CLTB: variants seen among roughly 807,000 people sequenced by gnomAD.
CLTB encodes clathrin light chain B, also known as clathrin, light chain (Lcb).
CLTB carries 10 observed loss-of-function variants against 30.5 expected under a neutral mutation model. The ratio of observed to expected loss-of-function variants is 0.33; its 90% confidence interval spans 0.20 to 0.56. The LOEUF is 0.56. CLTB is among the 20% of genes least tolerant of loss of function. CLTB has a pLI of 0.91. For synonymous variants in CLTB, 102 were observed against 120.3 expected, an observed-to-expected ratio of 0.85 and a Z score of 1.00; for missense variants, 261 against 308.3, an observed-to-expected ratio of 0.85 and a Z score of 1.15.
At chr5:176,402,239 A>G (rs1756859512) in intron 2 of CLTB, among the ~76,000 whole-genome samples, 2 of 152,204 alleles carry the variant, frequency 1.3e-5, no homozygotes, top group South Asian at 4.1e-4. Context: ...TGGAGGTTGC[A>G]GTGAGCCGAG....
chr5:176,409,978 G>A (rs962230008), intron 2 of CLTB, among the ~76,000 whole-genome samples: 4 of 152,140 alleles, frequency 2.6e-5, no homozygotes, highest in Admixed American at 2.6e-4. Flanking sequence ...ATCTCATGCT[G>A]CTGTGGGCCA....
rs545790119 is a variant in CLTB, at chr5:176,412,033, A to G, written c.188-1730T>C. On this transcript the variant is annotated intron_variant, in intron 1 of 5. Coordinates refer to ENST00000310418, the MANE Select transcript of CLTB (RefSeq NM_007097.5). ...CTACTAAAAATACAAAAAATTAGCCAGGCGTGGTGGCAGGCGCCTGTAGTC... is the reference window on the plus strand; with the variant it reads ...CTACTAAAAATACAAAAAATTAGCCGGGCGTGGTGGCAGGCGCCTGTAGTC... Among the ~76,000 whole-genome samples the G allele has an allele frequency of 6.5e-3, 986 of 151,906 alleles. 9 individuals carry two copies. Among genetic ancestry groups the G allele is most frequent in the African/African-American group, 0.022 (905 of 41,404 alleles).
intron 2 of CLTB, chr5:176,406,509 A>G (rs1581439863): frequency 1.6e-6 from 2 of 1,234,438 alleles, no homozygotes; most frequent in East Asian, 1.2e-4. Context: ...TGATTCCTCT[A>G]AGAAGCTAAA....
chr5:176,395,643 A>G (rs370573372), intron 5 of CLTB, among the ~76,000 whole-genome samples: 20 of 152,204 alleles, frequency 1.3e-4, no homozygotes, highest in South Asian at 1.2e-3. Context: ...CTGTTTGCCA[A>G]CCCTGGTCTT....
At chr5:176,403,341 C>T (rs1300255572) in intron 2 of CLTB, among the ~76,000 whole-genome samples, 8 of 149,392 alleles carry the variant, frequency 5.4e-5, no homozygotes, top group African/African-American at 1.5e-4. Flanking sequence ...TGAGCTACTG[C>T]GCCTGGCCAA....
chr5:176,409,759 T>A (rs1757331936), intron 2 of CLTB, among the ~76,000 whole-genome samples: 1 of 152,218 alleles, frequency 6.6e-6, no homozygotes, highest in African/African-American at 2.4e-5. Context: ...ATCTATCTAT[T>A]CAGTTCCCTG....
At position 176,416,197 on chromosome 5, in the gene CLTB, T is replaced by G; in HGVS notation, c.167A>C (p.Gln56Pro). Residue 56 changes from glutamine (Q) to proline (P), a missense_variant, in exon 1 of 6, where the codon CAG (glutamine) becomes CCG (proline). Gln to Pro is a moderately conservative substitution (Grantham distance 76). This residue lies in a region of CLTB where 113 missense variants were observed against 102.5 expected (regional missense o/e 1.10). Coordinates refer to ENST00000310418, the MANE Select transcript of CLTB (RefSeq NM_007097.5). ...CTCACCCCCACTCGTGGGGCCCGGCTGCGCGGGGGCCGCATGGCTGCCGGC... is the reference window on the plus strand; with the variant it reads ...CTCACCCCCACTCGTGGGGCCCGGCGGCGCGGGGGCCGCATGGCTGCCGGC... The part of the protein sequence containing the change: ...APAGSHAAPA[Q>P]PGPTSGAGSE... 6.3e-7 allele frequency: 1 copy of G among 1,587,444 alleles called. No individual in the cohort carries two copies. Among genetic ancestry groups the G allele is most frequent in the Non-Finnish European group, 8.5e-7 (1 of 1,170,576 alleles).
chr5:176,410,396 G>T, intron 1 of CLTB, 93 bp from the exon 2 acceptor site: 1 of 915,254 alleles, frequency 1.1e-6, no homozygotes, highest in Non-Finnish European at 1.7e-6. Flanking sequence ...CAAACTCTGT[G>T]TATACCCATG....
At chr5:176,406,741 GCT>G (rs1233196102) in intron 2 of CLTB, 1 of 1,270,700 alleles carries the variant, frequency 7.9e-7, no homozygotes, top group African/African-American at 1.5e-5. Context: ...AAGCACAAAA[GCT>G]CTGTCTGGGA....
At chr5:176,401,764 C>CTT (rs2113649470) in intron 2 of CLTB, 1 of 456,250 alleles carries the variant, frequency 2.2e-6, no homozygotes, top group East Asian at 6.9e-5. Flanking sequence ...AACAGCGACA[C>CTT]TGAACAATTT....
At chr5:176,416,032 G>A (rs1406701382) in intron 1 of CLTB, 145 bp downstream of exon 1, 2 of 724,076 alleles carry the variant, frequency 2.8e-6, no homozygotes, top group Non-Finnish European at 2.1e-6. Flanking sequence ...CCTACATGGA[G>A]ATCTCCAAGA....
At chr5:176,407,126 G>C (rs1444705185) in intron 2 of CLTB, among the ~76,000 whole-genome samples, 1 of 152,172 alleles carries the variant, frequency 6.6e-6, no homozygotes, top group African/African-American at 2.4e-5. Context: ...GGGCTCCTCA[G>C]ATTCACCCAC....
intron 2 of CLTB, among the ~76,000 whole-genome samples, chr5:176,403,760 T>C (rs1257762366): frequency 6.6e-6 from 1 of 151,478 alleles, no homozygotes. Flanking sequence ...CCTGTTTTTG[T>C]GTGTGTGTGT....
chr5:176,404,307 G>A (rs1347434493), intron 2 of CLTB, among the ~76,000 whole-genome samples: 1 of 152,198 alleles, frequency 6.6e-6, no homozygotes, highest in African/African-American at 2.4e-5. Flanking sequence ...GCCTTCCTCT[G>A]GGACGCACCC....
At chr5:176,409,641 T>C (rs1757325400) in intron 2 of CLTB, among the ~76,000 whole-genome samples, 1 of 152,082 alleles carries the variant, frequency 6.6e-6, no homozygotes, top group South Asian at 2.1e-4. Context: ...TCTTGAACTC[T>C]GACCTCACGT....
At chr5:176,404,044 C>T (rs761208143) in intron 2 of CLTB, among the ~76,000 whole-genome samples, 6 of 152,222 alleles carry the variant, frequency 3.9e-5, no homozygotes, top group Non-Finnish European at 5.9e-5. Flanking sequence ...CATGAGCCAC[C>T]ACACCCAGCC....
intron 1 of CLTB, among the ~76,000 whole-genome samples, chr5:176,412,174 CAAAAAAAAA>C (rs546824950): frequency 1.2e-5 from 1 of 82,396 alleles, no homozygotes; most frequent in African/African-American, 4.7e-5. Flanking sequence ...AGACTCATCT[CAAAAAAAAA>C]AAAAAAAAAA....
chr5:176,412,641 G>A (rs1757504694), intron 1 of CLTB, among the ~76,000 whole-genome samples: 1 of 152,158 alleles, frequency 6.6e-6, no homozygotes. Flanking sequence ...GGGGACTCAA[G>A]GGAAGGGTAC....
chr5:176,416,065 G>T, intron 1 of CLTB, 112 bp downstream of exon 1: 1 of 993,260 alleles, frequency 1.0e-6, no homozygotes, highest in Non-Finnish European at 1.4e-6. Flanking sequence ...ACGTCTCCCA[G>T]CTCCTGCCCC....
Sources: allele counts gnomAD v4.1 joint callset (sites outside exome capture counted in the v4.1 genomes callset), GRCh38; gene constraint gnomAD v4.1.1; regional missense constraint gnomAD v4.1.1; transcripts MANE v1.5; gene names NCBI Gene and HGNC (gene_info 2026-07-23, HGNC 2026-07-21).